Variants in KCNH1 observed in about 807,000 individuals in gnomAD.
The protein encoded by KCNH1 is potassium voltage-gated channel subfamily H member 1, also known as voltage-gated delayed rectifier potassium channel KCNH1.
In KCNH1, 27 loss-of-function variants were observed where a neutral mutation model predicts 69.2. The ratio of observed to expected loss-of-function variants is 0.39; its 90% CI spans 0.29 to 0.54. The LOEUF is 0.54. KCNH1 is among the 20% of genes least tolerant of loss of function. The probability of loss-of-function intolerance (pLI) is 0.68; values close to 1 mark genes in which losing one functional copy is unlikely to be tolerated. For missense variants in KCNH1, 798 were observed against 1,261.6 expected (o/e 0.63, Z 5.57); for synonymous variants, 456 against 487.7 (o/e 0.93, Z 0.86).
intron 10 of KCNH1, among the ~76,000 whole-genome samples, chr1:210,748,228 G>A (rs11119589): frequency 0.46 from 70,422 of 152,072 alleles, 16,745 homozygotes; most frequent in East Asian, 0.7. Context: ...ACGCAGGAGT[G>A]GGATAGTGGG....
At chr1:211,025,293 T>C (rs923726082) in intron 5 of KCNH1, among the ~76,000 whole-genome samples, 8 of 152,168 alleles carry the variant, frequency 5.3e-5, no homozygotes, top group Non-Finnish European at 1.2e-4. Context: ...ATTAGCTGAA[T>C]ACCCCTGTTT....
At chr1:210,985,786 A>C (rs951926143) in intron 6 of KCNH1, among the ~76,000 whole-genome samples, 12 of 152,130 alleles carry the variant, frequency 7.9e-5, no homozygotes, top group Admixed American at 7.9e-4. Flanking sequence ...AGTTCTATAG[A>C]TGTCTATTAG....
chr1:210,745,095 C>G (rs1294544411), intron 10 of KCNH1, among the ~76,000 whole-genome samples: 1 of 152,212 alleles, frequency 6.6e-6, no homozygotes, highest in Non-Finnish European at 1.5e-5. Context: ...CCCAGCTGTT[C>G]TGGAGGCTGG....
intron 5 of KCNH1, among the ~76,000 whole-genome samples, chr1:211,046,656 C>T (rs1019501400): frequency 6.6e-6 from 1 of 152,190 alleles, no homozygotes; most frequent in African/African-American, 2.4e-5. Context: ...CCAAGTTTAA[C>T]TCCAGGGTCC....
chr1:210,840,815 TA>T (rs757751119), intron 7 of KCNH1, among the ~76,000 whole-genome samples: 4 of 152,230 alleles, frequency 2.6e-5, no homozygotes, highest in Non-Finnish European at 5.9e-5. Flanking sequence ...CTGCTACCGT[TA>T]AAATAACAAA....
chr1:211,082,947 G>A, intron 4 of KCNH1, 49 bp from the exon 5 acceptor site: 1 of 1,455,004 alleles, frequency 6.9e-7, no homozygotes, highest in South Asian at 1.2e-5. Flanking sequence ...CATCCCAAAG[G>A]TGCACAGACA....
intron 7 of KCNH1, among the ~76,000 whole-genome samples, chr1:210,911,268 AC>A (rs1687225553): frequency 6.6e-6 from 1 of 152,008 alleles, no homozygotes; most frequent in African/African-American, 2.4e-5. Context: ...TGACCTCCTC[AC>A]TGGGGAGACA....
At chr1:211,025,337 CA>C (rs1341049488) in intron 5 of KCNH1, among the ~76,000 whole-genome samples, 1 of 152,102 alleles carries the variant, frequency 6.6e-6, no homozygotes, top group Non-Finnish European at 1.5e-5. Context: ...TAAAAGGGGG[CA>C]AAGGAAAGCT....
At chr1:210,775,753 A>G (rs551030434) in intron 9 of KCNH1, among the ~76,000 whole-genome samples, 10 of 152,218 alleles carry the variant, frequency 6.6e-5, no homozygotes, top group Non-Finnish European at 1.3e-4. Context: ...AACACATGCC[A>G]AAGTTTAATC....
At chr1:210,721,032 G>A (rs1682442110) in intron 10 of KCNH1, among the ~76,000 whole-genome samples, 1 of 152,114 alleles carries the variant, frequency 6.6e-6, no homozygotes, top group Non-Finnish European at 1.5e-5. Context: ...CAATACCCAA[G>A]TACAACTCCT....
intron 7 of KCNH1, among the ~76,000 whole-genome samples, chr1:210,837,537 A>G (rs1685310370): frequency 6.6e-6 from 1 of 152,222 alleles, no homozygotes; most frequent in Admixed American, 6.6e-5. Flanking sequence ...GTAAAGGGGA[A>G]AAATGTTAAA....
chr1:210,702,126 G>C (rs1681796597), intron 10 of KCNH1, among the ~76,000 whole-genome samples: 1 of 152,104 alleles, frequency 6.6e-6, no homozygotes, highest in Admixed American at 6.5e-5. Context: ...CTAATCCTTT[G>C]AGTGTAACTT....
At chr1:210,764,046 G>C (rs1683573020) in intron 10 of KCNH1, among the ~76,000 whole-genome samples, 1 of 152,044 alleles carries the variant, frequency 6.6e-6, no homozygotes, top group Non-Finnish European at 1.5e-5. Context: ...GAACAGAATA[G>C]AAAGTTTGAA....
chr1:210,955,444 C>A (rs957681882), intron 6 of KCNH1, among the ~76,000 whole-genome samples: 21 of 152,136 alleles, frequency 1.4e-4, no homozygotes, highest in African/African-American at 5.1e-4. Flanking sequence ...TGAAGAAAGT[C>A]ATTGGTAGCT....
chr1:210,789,168 C>T (rs1027762601), intron 9 of KCNH1, among the ~76,000 whole-genome samples: 1 of 152,140 alleles, frequency 6.6e-6, no homozygotes, highest in Non-Finnish European at 1.5e-5. Context: ...CAATATTTAC[C>T]TAGCAACTTC....
intron 7 of KCNH1, among the ~76,000 whole-genome samples, chr1:210,870,565 T>C (rs1029146383): frequency 3.3e-5 from 5 of 152,220 alleles, no homozygotes; most frequent in African/African-American, 1.2e-4. Flanking sequence ...CCTCTGTTAA[T>C]CAGGTAGCTT....
intron 5 of KCNH1, among the ~76,000 whole-genome samples, chr1:211,073,951 A>C (rs187562505): frequency 2.6e-4 from 40 of 152,132 alleles, no homozygotes; most frequent in African/African-American, 7.9e-4. Flanking sequence ...AAAATCAATA[A>C]GCCTCTAGCC....
chr1:210,856,899 A>ATATATATATATATATATATATATATATAT (rs57245090), intron 7 of KCNH1, among the ~76,000 whole-genome samples: 1 of 121,758 alleles, frequency 8.2e-6, no homozygotes, highest in South Asian at 2.9e-4. Flanking sequence ...ATATATATAT[A>ATATATATATATATATATATATATATATAT]AAATACTCAT....
chr1:210,954,410 G>T (rs1272751707), intron 6 of KCNH1, among the ~76,000 whole-genome samples: 2 of 152,046 alleles, frequency 1.3e-5, no homozygotes, highest in Non-Finnish European at 2.9e-5. Flanking sequence ...AATGCTTTGG[G>T]TATATACCCA....
Sources: allele counts gnomAD v4.1 joint callset (sites outside exome capture counted in the v4.1 genomes callset), GRCh38; gene constraint gnomAD v4.1.1; transcripts MANE v1.5; gene names NCBI Gene and HGNC (gene_info 2026-07-23, HGNC 2026-07-21).